Variants in RNF17 observed in about 807,000 individuals in gnomAD.
RNF17 encodes spermatogenesis associated 23.
A neutral mutation model predicts 200.5 loss-of-function variants in RNF17; 31 were observed. The ratio of observed to expected loss-of-function variants is 0.15; its 90% CI spans 0.12 to 0.21. RNF17 has a LOEUF of 0.21. Ranked by LOEUF, RNF17 falls within the 10% of genes least tolerant of loss-of-function variation. The pLI is 1.00. For synonymous variants in RNF17, 606 were observed against 637.8 expected, an observed-to-expected ratio of 0.95 and a Z score of 0.75; for missense variants, 1,628 against 1,905.1, an observed-to-expected ratio of 0.85 and a Z score of 2.71.
downstream of RNF17, among the ~76,000 whole-genome samples, chr13:24,881,780 T>C (rs1304366898): frequency 6.8e-6 from 1 of 146,000 alleles, no homozygotes; most frequent in African/African-American, 2.5e-5. Context: ...CTGGCCAACA[T>C]GGTGAAACCC....
At chr13:24,872,935 T>G (rs904339321) in intron 32 of RNF17, among the ~76,000 whole-genome samples, 2 of 152,206 alleles carry the variant, frequency 1.3e-5, no homozygotes, top group Non-Finnish European at 2.9e-5. Flanking sequence ...TTTAGGTGAC[T>G]CATTGAGGAA....
At position 24,877,006 on chromosome 13, in the gene RNF17, A is replaced by T. The variant is rs1056418535; in HGVS notation, c.4593A>T (p.Gln1531His). The T allele has an allele frequency of 1.9e-6, 3 of 1,593,282 alleles. No homozygotes were observed. Among genetic ancestry groups the T allele is most frequent in the Non-Finnish European group, 2.6e-6 (3 of 1,173,870 alleles). The change falls in exon 34 of 36, where the codon CAA (glutamine) becomes CAT (histidine). Residue 1531 changes from glutamine (Q) to histidine (H), a missense_variant. Physicochemically the swap from Gln to His is conservative, Grantham distance 24. This residue lies in a region of RNF17 where 609 missense variants were observed against 681.9 expected (regional missense o/e 0.89). Coordinates refer to ENST00000255324, the MANE Select transcript of RNF17 (RefSeq NM_031277.3). ...ATTTCTTTTGTGACAGACTGTGCCA[A>T]ATTCCTTCTCATCTTATGCGGTATC... is the stretch of plus-strand genomic sequence containing the variant. Reference protein sequence around the residue: ...TAKLTLNRLCQIPSHLMRYPA... With the variant: ...TAKLTLNRLCHIPSHLMRYPA...
chr13:24,781,928 G>A lies in RNF17; in HGVS notation c.595G>A (p.Ala199Thr). Residue 199 changes from alanine (A) to threonine (T), a missense_variant, in exon 6 of 36, where the codon GCT becomes ACT. Physicochemically the swap from Ala to Thr is moderately conservative, Grantham distance 58. Around this residue, in one of 5 missense-constraint regions of RNF17, gnomAD observed 502 missense variants for 501.7 expected, o/e 1.00. Transcript: ENST00000255324. ...GGAGAAACAGTTTGACCAACTTTTG[G>A]CTTTTTTTGATTCCAGGTTAGTAAC... The part of the protein sequence containing the change: ...VVEKQFDQLL[A>T]FFDSRKKNLC... 5 of 1,609,254 alleles carry A rather than the reference G, an allele frequency of 3.1e-6. No individual in the cohort carries two copies. Among genetic ancestry groups the A allele is most frequent in the Non-Finnish European group, 3.4e-6 (4 of 1,177,002 alleles).
chr13:24,833,928 A>G (rs1889690099), intron 18 of RNF17, among the ~76,000 whole-genome samples: 1 of 152,224 alleles, frequency 6.6e-6, no homozygotes, highest in African/African-American at 2.4e-5. Context: ...AGTTGACCCT[A>G]TTGGAATAAA....
In RNF17 at chr13:24,842,153, T is replaced by C. The variant is rs1465279974; in HGVS notation, c.2595T>C (p.Tyr865=). ...TAGTTAAAGAGGGCCTAGCATCTTA[T>C]GAAATAGGGTAAGTAGATATGTAAA... The part of the protein sequence containing the change: ...DQLVKEGLAS[Y]EIGYILKDNS... Residue 865 remains tyrosine, a synonymous_variant, in exon 19 of 36, where the codon TAT becomes TAC. Transcript: ENST00000255324. 3 of 1,599,910 alleles carry C rather than the reference T, an allele frequency of 1.9e-6. No individual in the cohort carries two copies. The highest frequency in any genetic ancestry group is 1.7e-6 in the Non-Finnish European group (2 of 1,174,436).
chr13:24,829,843 G>GA (rs1039000437), intron 16 of RNF17, among the ~76,000 whole-genome samples: 1 of 151,988 alleles, frequency 6.6e-6, no homozygotes, highest in Admixed American at 6.6e-5. Flanking sequence ...CTCTCTACTT[G>GA]TTTTTTTGCA....
intron 12 of RNF17, among the ~76,000 whole-genome samples, 181 bp downstream of exon 12, chr13:24,799,765 A>G (rs1427835199): frequency 6.6e-6 from 1 of 152,152 alleles, no homozygotes; most frequent in Non-Finnish European, 1.5e-5. Context: ...ATCATTTACC[A>G]GTATTACTAG....
At chr13:24,800,085 G>A (rs1287290675) in intron 12 of RNF17, among the ~76,000 whole-genome samples, 2 of 152,080 alleles carry the variant, frequency 1.3e-5, no homozygotes, top group African/African-American at 4.8e-5. Flanking sequence ...TGAATAAGTA[G>A]ATTTATATGG....
downstream of RNF17, chr13:24,882,927 C>T (rs1247857819): frequency 2.0e-6 from 1 of 488,244 alleles, no homozygotes; most frequent in Admixed American, 3.4e-5. Context: ...ACTGTAAAAA[C>T]CTGTACACAA....
rs75874165 is a variant in RNF17, at chr13:24,817,740, T to C, written c.2092-7879T>C. 3.3e-5 allele frequency among the ~76,000 whole-genome samples: 5 copies of C among 152,118 alleles called. No individual in the cohort carries two copies. The East Asian group carries it at 9.7e-4, about 29-fold the overall frequency. ...TCAAAAAAAAAAAAAATTTTTTTTT[T>C]CTTAAAATTGGTAGTATTGTCTGCA... On this transcript the variant is annotated intron_variant, in intron 15 of 35. Coordinates refer to ENST00000255324, the MANE Select transcript of RNF17 (RefSeq NM_031277.3).
intron 2 of RNF17, among the ~76,000 whole-genome samples, chr13:24,774,232 G>A (rs1453159932): frequency 6.6e-6 from 1 of 151,444 alleles, no homozygotes; most frequent in African/African-American, 2.4e-5. Flanking sequence ...AATAGAGTCT[G>A]GCTCTTTCAC....
intron 25 of RNF17, among the ~76,000 whole-genome samples, chr13:24,855,112 T>C (rs752332021): frequency 1.3e-5 from 2 of 152,178 alleles, no homozygotes; most frequent in Non-Finnish European, 2.9e-5. Flanking sequence ...CATCAAACTG[T>C]TCGAGATTTG....
chr13:24,752,887 C>T, the RNF17 span, among the ~76,000 whole-genome samples: 1,145 of 152,326 alleles, frequency 7.5e-3, 26 homozygotes, highest in African/African-American at 0.026. Flanking sequence ...CCAGAATCTT[C>T]GGCGTGGCCT....
chr13:24,838,403 C>T (rs1373080122), intron 18 of RNF17, among the ~76,000 whole-genome samples: 2 of 152,094 alleles, frequency 1.3e-5, no homozygotes, highest in African/African-American at 4.8e-5. Flanking sequence ...AGACTGATAT[C>T]CTTCATGAAC....
chr13:24,831,636 A>G (rs1301121127), intron 17 of RNF17, among the ~76,000 whole-genome samples: 2 of 152,192 alleles, frequency 1.3e-5, no homozygotes, highest in East Asian at 1.9e-4. Context: ...TTATTCCAGT[A>G]TGTGAATGTA....
intron 2 of RNF17, among the ~76,000 whole-genome samples, chr13:24,772,609 CTTTTT>C (rs986274279): frequency 1.4e-5 from 2 of 143,724 alleles, no homozygotes; most frequent in Non-Finnish European, 3.1e-5. Context: ...ACAGACACTT[CTTTTT>C]TTTTTTTTCT....
intron 30 of RNF17, among the ~76,000 whole-genome samples, chr13:24,866,828 T>G (rs773271463): frequency 1.3e-5 from 2 of 152,252 alleles, no homozygotes; most frequent in Non-Finnish European, 2.9e-5. Context: ...TTTAACATTC[T>G]AAAGATCTCC....
intron 32 of RNF17, among the ~76,000 whole-genome samples, chr13:24,872,179 C>T (rs781367291): frequency 1.1e-4 from 16 of 151,388 alleles, no homozygotes; most frequent in Non-Finnish European, 1.5e-4. Flanking sequence ...GGGCTGGTCT[C>T]GAACTCCTGA....
At chr13:24,855,705 C>G (rs1172387119) in intron 25 of RNF17, among the ~76,000 whole-genome samples, 1 of 152,050 alleles carries the variant, frequency 6.6e-6, no homozygotes, top group Non-Finnish European at 1.5e-5. Flanking sequence ...ACAGTTTACA[C>G]TCATCACTAC....
Sources: gnomAD v4.1 joint callset for allele counts (sites outside exome capture counted in the v4.1 genomes callset) on GRCh38, gnomAD v4.1.1 for gene constraint, gnomAD v4.1.1 regional missense constraint, MANE v1.5 for transcripts, NCBI Gene and HGNC (gene_info 2026-07-23, HGNC 2026-07-21) for gene names.